UTRN: variants seen among roughly 807,000 people sequenced by gnomAD.
UTRN encodes utrophin, also known as dystrophin-related protein 1.
Under a neutral mutation model 463.9 loss-of-function variants are expected in UTRN, and 283 were observed. The ratio of observed to expected loss-of-function variants is 0.61; its 90% CI spans 0.55 to 0.67. The LOEUF (loss-of-function observed/expected upper bound fraction) is 0.67. Ranked by LOEUF, UTRN falls within the 30% of genes least tolerant of loss-of-function variation. The pLI is 0.00. For missense variants in UTRN, 3,922 were observed against 4,084.3 expected, an observed-to-expected ratio of 0.96 and a Z score of 1.08; for synonymous variants, 1,442 against 1,431.5, an observed-to-expected ratio of 1.01 and a Z score of -0.17.
intron 52 of UTRN, among the ~76,000 whole-genome samples, chr6:144,689,164 A>G (rs1435451397): frequency 6.6e-6 from 1 of 152,086 alleles, no homozygotes; most frequent in Non-Finnish European, 1.5e-5. Context: ...GTAAGCCTGA[A>G]CCTGGAAGGT....
intron 33 of UTRN, among the ~76,000 whole-genome samples, chr6:144,496,575 A>G (rs541921522): frequency 1.3e-5 from 2 of 152,328 alleles, no homozygotes; most frequent in African/African-American, 4.8e-5. Flanking sequence ...TTTATCATTT[A>G]AAGTTTCACT....
chr6:144,831,999 CTAGA>C, intron 69 of UTRN, among the ~76,000 whole-genome samples: 1 of 152,272 alleles, frequency 6.6e-6, no homozygotes, highest in Non-Finnish European at 1.5e-5. Flanking sequence ...ATTTTGTAAT[CTAGA>C]TAGTGTTTAC....
intron 53 of UTRN, among the ~76,000 whole-genome samples, chr6:144,717,945 C>T (rs1200419366): frequency 2.0e-5 from 3 of 151,972 alleles, no homozygotes; most frequent in Non-Finnish European, 4.4e-5. Flanking sequence ...TGAGCCACTG[C>T]ACCTGGCCCA....
rs762943620 is a variant in UTRN, at chr6:144,491,024, C to T, written c.4359C>T (p.Gly1453=). ...RMLDCKRVLD[G]VKAELHVLDV... ...TGGACTGCAAGCGTGTGCTGGATGGCGTGAAAGCAGAACTTCACGTTCTGG... is the reference window on the plus strand; with the variant it reads ...TGGACTGCAAGCGTGTGCTGGATGGTGTGAAAGCAGAACTTCACGTTCTGG... Residue 1453 remains glycine, a synonymous_variant, in exon 32 of 75, where the codon GGC becomes GGT. Transcript: ENST00000367545. 8 of 1,613,766 alleles carry T rather than the reference C, an allele frequency of 5.0e-6. No individual in the cohort carries two copies. The highest frequency in any genetic ancestry group is 3.3e-4 in the Middle Eastern group (2 of 6,078).
Position 144,429,705 on chromosome 6 carries a change from TA to T in UTRN, c.825del (p.Glu276AsnfsTer47). 1 of 1,611,926 alleles carries T rather than the reference TA, an allele frequency of 6.2e-7. No homozygotes were observed. The highest frequency in any genetic ancestry group is 8.5e-7 in the Non-Finnish European group (1 of 1,179,214). ...AGGTAGAGACACTCCCAAGGAAATA[TA>T]AAAAAGAATGTGAAGAAGAGGCAAT... Reference protein sequence around the residue: ...REVETLPRKYKKECEEEAINI... With the variant: ...REVETLPRKYXKECEEEAINI... On this transcript the variant is annotated frameshift_variant, in exon 9 of 75. Transcript: ENST00000367545. LOFTEE classifies it high-confidence loss of function.
intron 27 of UTRN, among the ~76,000 whole-genome samples, chr6:144,483,238 C>A (rs903090462): frequency 2.6e-5 from 4 of 152,048 alleles, no homozygotes; most frequent in African/African-American, 9.7e-5. Flanking sequence ...ATCATTGAGG[C>A]AAGTTAGTAA....
At chr6:144,399,163 T>C (rs544706043) in intron 2 of UTRN, among the ~76,000 whole-genome samples, 1 of 152,218 alleles carries the variant, frequency 6.6e-6, no homozygotes, top group African/African-American at 2.4e-5. Flanking sequence ...TTTCTTTGTC[T>C]ACATACATAT....
chr6:144,321,082 T>C (rs896993409), intron 2 of UTRN, among the ~76,000 whole-genome samples: 1 of 152,230 alleles, frequency 6.6e-6, no homozygotes, highest in Non-Finnish European at 1.5e-5. Flanking sequence ...TAGTGGTTGC[T>C]TAATTTTAAC....
chr6:144,462,515 C>A, intron 22 of UTRN, 139 bp from the exon 23 acceptor site: 1 of 747,844 alleles, frequency 1.3e-6, no homozygotes, highest in Non-Finnish European at 2.1e-6. Context: ...CTAATTCACA[C>A]TCCCACCCAC....
At position 144,839,313 on chromosome 6, in the gene UTRN, G is replaced by C. The variant is rs763182334; in HGVS notation, c.10177+29G>C. On this transcript the variant is annotated intron_variant, in intron 72 of 74. Coordinates refer to ENST00000367545, the MANE Select transcript of UTRN (RefSeq NM_007124.3). The stretch of plus-strand genomic sequence containing the variant: ...GGTGTCCCCAGCACACAGCTCCTCT[G>C]CTGAGTCTGCTTTGTGCTTTGCCAT... The C allele has an allele frequency of 6.4e-6, 10 of 1,555,090 alleles. No individual in the cohort carries two copies. The East Asian group carries it at 9.0e-5, about 14-fold the overall frequency.
intron 51 of UTRN, among the ~76,000 whole-genome samples, chr6:144,626,714 G>C (rs1338502048): frequency 1.3e-5 from 2 of 151,968 alleles, no homozygotes; most frequent in African/African-American, 4.8e-5. Flanking sequence ...ATTTCGGCTC[G>C]CTGCAACCTC....
intron 45 of UTRN, among the ~76,000 whole-genome samples, chr6:144,540,275 T>G (rs541399421): frequency 4.9e-4 from 74 of 152,306 alleles, no homozygotes; most frequent in African/African-American, 1.7e-3. Context: ...ATATCTTTTT[T>G]GTTTGACCTG....
At chr6:144,662,834 G>T (rs1031266148) in intron 51 of UTRN, among the ~76,000 whole-genome samples, 1 of 152,148 alleles carries the variant, frequency 6.6e-6, no homozygotes, top group African/African-American at 2.4e-5. Flanking sequence ...TTTTTGTGAA[G>T]GTAAATTGAA....
rs373726038 is a variant in UTRN at position 144,289,688 on chromosome 6, A to G, written c.-92-2049A>G. On this transcript the variant is annotated intron_variant, in intron 1 of 74. Transcript: ENST00000367545. ...TTTGAGATGGAATTTTGCCCTTGTC[A>G]CCCAGGCTGGAGAGTAATAGCACAA... Among the ~76,000 whole-genome samples the G allele has an allele frequency of 9.2e-5, 14 of 151,960 alleles. No individual in the cohort carries two copies. In the South Asian group the frequency reaches 2.7e-3, roughly 29 times the overall value.
chr6:144,556,228 G>A (rs1336690687), intron 49 of UTRN, among the ~76,000 whole-genome samples: 2 of 152,198 alleles, frequency 1.3e-5, no homozygotes, highest in Non-Finnish European at 2.9e-5. Context: ...AATCGAAAAT[G>A]TGGAAGTATG....
Position 144,511,126 on chromosome 6 carries a change from A to G in UTRN, c.4944+3A>G. The G allele has an allele frequency of 6.5e-7, 1 of 1,535,862 alleles. No individual in the cohort carries two copies. Among genetic ancestry groups the G allele is most frequent in the Non-Finnish European group, 8.8e-7 (1 of 1,134,530 alleles). On this transcript the variant is annotated splice_donor_region_variant and intron_variant, in intron 35 of 74. Transcript: ENST00000367545. The stretch of plus-strand genomic sequence containing the variant: ...AAGATTGGTGCAATACCTTGATGGT[A>G]TGTCTCAGGAAAAAGTAAATGATGA...
rs192592925 is a variant in UTRN, at chr6:144,629,942, T to C, written c.7480-48464T>C. On this transcript the variant is annotated intron_variant, in intron 51 of 74. Coordinates refer to ENST00000367545, the MANE Select transcript of UTRN (RefSeq NM_007124.3). The stretch of plus-strand genomic sequence containing the variant: ...GGCTCACGCCTGTAATCCCAGCACT[T>C]TGGGAGGCTGAAGCAGGCGGATCAT... Among the ~76,000 whole-genome samples, 837 of 152,248 alleles carry C rather than the reference T, an allele frequency of 5.5e-3. 7 individuals carry two copies. The highest frequency in any genetic ancestry group is 0.016 in the South Asian group (75 of 4,820).
chr6:144,439,381 A>G (rs1455548600), intron 12 of UTRN, among the ~76,000 whole-genome samples: 1 of 152,198 alleles, frequency 6.6e-6, no homozygotes, highest in Non-Finnish European at 1.5e-5. Flanking sequence ...GAAGACTTTT[A>G]TTGATCAGTG....
At chr6:144,797,476 T>A (rs1455590957) in intron 63 of UTRN, among the ~76,000 whole-genome samples, 1 of 152,202 alleles carries the variant, frequency 6.6e-6, no homozygotes, top group Non-Finnish European at 1.5e-5. Flanking sequence ...ATTACAGGCT[T>A]GAGCCACCAC....
Sources: allele counts gnomAD v4.1 joint callset (sites outside exome capture counted in the v4.1 genomes callset), GRCh38; gene constraint gnomAD v4.1.1; transcripts MANE v1.5; gene names NCBI Gene and HGNC (gene_info 2026-07-23, HGNC 2026-07-21).